The following FCRL4 variants were observed in gnomAD, a reference collection of about 807,000 sequenced individuals.
FCRL4 encodes the protein Fc receptor like 4, also known as Fc receptor-like protein 4.
In FCRL4, 43 loss-of-function variants were observed where a neutral mutation model predicts 64.1. The ratio of observed to expected loss-of-function variants is 0.67; its 90% CI spans 0.53 to 0.87. FCRL4 has a LOEUF of 0.87. FCRL4 is among the 40% of genes least tolerant of loss of function. FCRL4 has a pLI of 0.00. For missense variants in FCRL4, 656 were observed against 613.5 expected, an observed-to-expected ratio of 1.07 and a Z score of -0.73; for synonymous variants, 253 against 239.8, an observed-to-expected ratio of 1.05 and a Z score of -0.51.
At chr1:157,596,444 G>A in intron 1 of FCRL4, 96 bp from the exon 2 acceptor site, 1 of 1,376,138 alleles carries the variant, frequency 7.3e-7, no homozygotes, top group Admixed American at 1.8e-5. Flanking sequence ...TTCCAACCAA[G>A]AGGAAGAGAA....
chr1:157,590,802 C>T (rs796950789), intron 2 of FCRL4, among the ~76,000 whole-genome samples: 61 of 152,304 alleles, frequency 4.0e-4, no homozygotes, highest in African/African-American at 1.5e-3. Context: ...CAGGCGTGAG[C>T]CACCATGCCC....
At chr1:157,591,321 C>A (rs1410654957) in intron 2 of FCRL4, among the ~76,000 whole-genome samples, 1 of 152,006 alleles carries the variant, frequency 6.6e-6, no homozygotes, top group Non-Finnish European at 1.5e-5. Context: ...GCCTTTAATT[C>A]AAAATACTAG....
At chr1:157,580,462 G>A in intron 7 of FCRL4, 114 bp from the exon 8 acceptor site, 2 of 1,081,196 alleles carry the variant, frequency 1.8e-6, no homozygotes, top group Non-Finnish European at 2.8e-6. Flanking sequence ...TCAAACACCT[G>A]CCCAGTCCTG....
At chr1:157,588,193 G>T in intron 3 of FCRL4, 74 bp from the exon 4 acceptor site, 1 of 1,497,810 alleles carries the variant, frequency 6.7e-7, no homozygotes, top group Non-Finnish European at 8.9e-7. Context: ...AATTACAAAG[G>T]CTTTATTGTT....
intron 7 of FCRL4, among the ~76,000 whole-genome samples, chr1:157,580,875 C>A (rs150470629): frequency 2.0e-5 from 3 of 152,324 alleles, no homozygotes; most frequent in Non-Finnish European, 4.4e-5. Context: ...AGGTTCTGCT[C>A]CTGTCTTCTA....
intron 5 of FCRL4, among the ~76,000 whole-genome samples, 187 bp from the exon 6 acceptor site, chr1:157,586,642 C>T (rs1481382554): frequency 1.3e-5 from 2 of 152,138 alleles, no homozygotes; most frequent in East Asian, 3.9e-4. Flanking sequence ...AGCTTTCCAT[C>T]CTGATATACG....
intron 1 of FCRL4, among the ~76,000 whole-genome samples, chr1:157,596,575 C>T (rs774848683): frequency 3.9e-5 from 6 of 152,192 alleles, no homozygotes; most frequent in Non-Finnish European, 7.3e-5. Flanking sequence ...ACCACATGAA[C>T]TTTCAAGTCT....
At chr1:157,589,603 G>A (rs1465506519) in intron 2 of FCRL4, 145 bp from the exon 3 acceptor site, 15 of 1,041,112 alleles carry the variant, frequency 1.4e-5, no homozygotes, top group Non-Finnish European at 2.1e-5. Flanking sequence ...TTGCAGGTGA[G>A]CTGTGCTCAC....
At chr1:157,587,600 A>G (rs370069775) in intron 4 of FCRL4, 40 bp from the exon 5 acceptor site, 3 of 1,590,618 alleles carry the variant, frequency 1.9e-6, no homozygotes, top group East Asian at 2.2e-5. Flanking sequence ...GCACGAGAGT[A>G]TTTAGGACTC....
chr1:157,583,336 G>A (rs1475702563), intron 6 of FCRL4, among the ~76,000 whole-genome samples: 2 of 152,086 alleles, frequency 1.3e-5, no homozygotes, highest in African/African-American at 4.8e-5. Context: ...CATAGGTTAA[G>A]CCTGCTCCCA....
intron 8 of FCRL4, among the ~76,000 whole-genome samples, chr1:157,580,053 T>C (rs943754342): frequency 1.2e-4 from 19 of 152,244 alleles, no homozygotes; most frequent in African/African-American, 3.4e-4. Context: ...CAAGAAATAT[T>C]CTGTACTTTA....
intron 6 of FCRL4, among the ~76,000 whole-genome samples, chr1:157,583,660 C>A (rs969883837): frequency 6.6e-6 from 1 of 152,160 alleles, no homozygotes; most frequent in African/African-American, 2.4e-5. Context: ...GCACTAATCC[C>A]AGACTTCCAG....
chr1:157,578,482 T>G lies in FCRL4; in HGVS notation c.1421A>C (p.Glu474Ala). The G allele has an allele frequency of 6.2e-7, 1 of 1,613,520 alleles. No individual in the cohort carries two copies. Residue 474 changes from glutamate to alanine, a missense_variant, in exon 10 of 12, where the codon GAA becomes GCA. By Grantham distance (107) the Glu-to-Ala change is moderately radical. Transcript: ENST00000271532. ...TCTTCCCAAAGACGTACCTTCCTCT[T>G]CTTCTCCCAGCTGAGTAGTCTGGAT... Reference protein sequence around the residue: ...SEIQTTQLGEEEEANTSRTLL... With the variant: ...SEIQTTQLGEAEEANTSRTLL...
intron 6 of FCRL4, among the ~76,000 whole-genome samples, chr1:157,582,590 T>A (rs1031871984): frequency 7.2e-5 from 11 of 152,178 alleles, no homozygotes; most frequent in Non-Finnish European, 1.6e-4. Context: ...AACATGCAGG[T>A]AGTAGAACAA....
intron 2 of FCRL4, 47 bp from the exon 3 acceptor site, chr1:157,589,505 C>A (rs1444332847): frequency 6.3e-7 from 1 of 1,598,264 alleles, no homozygotes; most frequent in African/African-American, 1.3e-5. Flanking sequence ...GCCTGCAGTC[C>A]CAGCTGCAGT....
intron 4 of FCRL4, 61 bp from the exon 5 acceptor site, chr1:157,587,621 A>T (rs2101683044): frequency 6.5e-7 from 1 of 1,539,526 alleles, no homozygotes; most frequent in Non-Finnish European, 8.8e-7. Context: ...TGTGAGAGAC[A>T]GGTTTGGATG....
rs138666460 is a variant in FCRL4 at position 157,590,122 on chromosome 1, C to T, written c.53-664G>A. Among the ~76,000 whole-genome samples, 909 of 152,180 alleles carry T rather than the reference C, an allele frequency of 6.0e-3. 9 individuals are homozygous for T. The highest frequency in any genetic ancestry group is 0.047 in the East Asian group (243 of 5,180). On this transcript the variant is annotated intron_variant, in intron 2 of 11. Transcript: ENST00000271532. ...AATATGCATAAAAACCCTTGTTTAC[C>T]ATGTTTTTCCTAGTCCACCCACCAG...
At position 157,587,325 on chromosome 1, in the gene FCRL4, C is replaced by A; in HGVS notation, c.798G>T (p.Val266=). 6.2e-7 allele frequency: 1 copy of A among 1,614,246 alleles called. No homozygotes were observed. The highest frequency in any genetic ancestry group is 8.5e-7 in the Non-Finnish European group (1 of 1,180,036). The stretch of plus-strand genomic sequence containing the variant: ...GACTGTGCTTGTGGATGTTACCCCT[C>A]ACTGTTTCAGCACCACACCAATAGG... ...SGSYWCGAET[V]RGNIHKHSPS... is the part of the protein sequence containing the mutation. Residue 266 remains valine, a synonymous_variant, in exon 5 of 12, where the codon GTG becomes GTT. Coordinates refer to ENST00000271532, the MANE Select transcript of FCRL4 (RefSeq NM_031282.3).
At chr1:157,586,607 G>T in intron 5 of FCRL4, 152 bp from the exon 6 acceptor site, 2 of 659,938 alleles carry the variant, frequency 3.0e-6, no homozygotes, top group Non-Finnish European at 5.1e-6. Context: ...CAGATTTAGC[G>T]CTGAGAATAT....
Sources: allele counts gnomAD v4.1 joint callset (sites outside exome capture counted in the v4.1 genomes callset), GRCh38; gene constraint gnomAD v4.1.1; transcripts MANE v1.5; gene names NCBI Gene and HGNC (gene_info 2026-07-23, HGNC 2026-07-21).